Variants in TSHZ3 observed in about 807,000 individuals in gnomAD.
TSHZ3 encodes teashirt zinc finger homeobox 3.
In TSHZ3, 10 loss-of-function variants were observed where a neutral mutation model predicts 64.5. The observed-to-expected ratio is 0.16, with a 90% CI of 0.10 to 0.26. The LOEUF is 0.26. Ranked by LOEUF, TSHZ3 falls within the 10% of genes least tolerant of loss-of-function variation. The pLI, the probability that TSHZ3 is intolerant of heterozygous loss-of-function variation, is 1.00. For missense variants in TSHZ3, 1,242 were observed against 1,421.7 expected, an observed-to-expected ratio of 0.87 and a Z score of 2.03; for synonymous variants, 608 against 593.1, an observed-to-expected ratio of 1.03 and a Z score of -0.36.
chr19:31,330,787 G>C (rs1311426630), intron 1 of TSHZ3, among the ~76,000 whole-genome samples: 1 of 152,106 alleles, frequency 6.6e-6, no homozygotes, highest in Non-Finnish European at 1.5e-5. Flanking sequence ...CCCAGACGGA[G>C]GTGTCAGGAG....
chr19:31,163,796 C>T (rs1974403385), intron 5 of TSHZ3, among the ~76,000 whole-genome samples: 1 of 152,144 alleles, frequency 6.6e-6, no homozygotes, highest in African/African-American at 2.4e-5. Flanking sequence ...AAAGGACAGG[C>T]TGGGGCACAC....
At chr19:31,337,839 A>G (rs908178817) in intron 1 of TSHZ3, among the ~76,000 whole-genome samples, 1 of 152,092 alleles carries the variant, frequency 6.6e-6, no homozygotes, top group East Asian at 1.9e-4. Flanking sequence ...CATGTCAGGG[A>G]AAAGTTTGTC....
intron 1 of TSHZ3, among the ~76,000 whole-genome samples, chr19:31,307,052 A>G (rs1916319707): frequency 6.6e-6 from 1 of 152,146 alleles, no homozygotes; most frequent in African/African-American, 2.4e-5. Context: ...CCAAAAAAAA[A>G]AAGATAGTAA....
At chr19:31,193,116 A>G (rs1306112637) in intron 5 of TSHZ3, among the ~76,000 whole-genome samples, 8 of 152,176 alleles carry the variant, frequency 5.3e-5, no homozygotes, top group African/African-American at 1.9e-4. Flanking sequence ...GTGAAAGAGA[A>G]AGGATCTTCT....
chr19:31,322,526 T>A (rs1270088512), intron 1 of TSHZ3, among the ~76,000 whole-genome samples: 1 of 152,190 alleles, frequency 6.6e-6, no homozygotes. Flanking sequence ...GCTCAAGGGA[T>A]TCTCCCATCT....
intron 1 of TSHZ3, among the ~76,000 whole-genome samples, chr19:31,283,646 C>T (rs904126887): frequency 1.3e-5 from 2 of 152,216 alleles, no homozygotes; most frequent in Admixed American, 6.5e-5. Flanking sequence ...TCCTCGGCTA[C>T]ATGTCTATCA....
intron 5 of TSHZ3, among the ~76,000 whole-genome samples, chr19:31,168,420 C>T (rs992502422): frequency 5.9e-5 from 9 of 152,196 alleles, no homozygotes; most frequent in African/African-American, 1.2e-4. Flanking sequence ...TTAGTTCTAG[C>T]ATATGTGCTC....
At chr19:31,241,161 T>A (rs960549488) in intron 3 of TSHZ3, among the ~76,000 whole-genome samples, 1 of 152,176 alleles carries the variant, frequency 6.6e-6, no homozygotes, top group Non-Finnish European at 1.5e-5. Context: ...TGTGTGCACA[T>A]GTTTATTAGG....
chr19:31,207,933 G>T (rs1224936409), intron 4 of TSHZ3, among the ~76,000 whole-genome samples: 1 of 152,204 alleles, frequency 6.6e-6, no homozygotes, highest in Non-Finnish European at 1.5e-5. Context: ...CCAAGCCATG[G>T]AATGGACCTG....
At chr19:31,255,129 A>G (rs115045010) in intron 1 of TSHZ3, among the ~76,000 whole-genome samples, 1 of 152,284 alleles carries the variant, frequency 6.6e-6, no homozygotes, top group African/African-American at 2.4e-5. Context: ...GAGAAGGAAA[A>G]CGAAGGAGAT....
intron 1 of TSHZ3, among the ~76,000 whole-genome samples, chr19:31,298,573 C>T (rs2145138612): frequency 6.6e-6 from 1 of 152,288 alleles, no homozygotes; most frequent in South Asian, 2.1e-4. Context: ...TCCCATCTAC[C>T]TGCAGCAGTA....
At chr19:31,323,600 C>T (rs983169116) in intron 1 of TSHZ3, among the ~76,000 whole-genome samples, 2 of 152,144 alleles carry the variant, frequency 1.3e-5, no homozygotes, top group African/African-American at 4.8e-5. Context: ...GGATTTACCT[C>T]TGCTCTCAGT....
Position 31,279,306 on chromosome 19 carries a change from C to T in TSHZ3, c.487G>A (p.Gly163Arg), listed in dbSNP as rs372133084. The T allele has an allele frequency of 1.7e-5, 28 of 1,613,568 alleles. No homozygotes were observed. The highest frequency in any genetic ancestry group is 1.3e-4 in the African/African-American group (10 of 74,918). The change falls in exon 2 of 2, where the codon GGG (glycine) becomes AGG (arginine). Residue 163 changes from glycine (G) to arginine (R), a missense_variant. Transcript: ENST00000240587. This position sits in a 1 kb window ranked among gnomAD's most constrained non-coding sequence, Gnocchi z 6.4. Reference protein sequence around the residue: ...SSSSSSSCGSGSFDWHQSAMA... With the variant: ...SSSSSSSCGSRSFDWHQSAMA... ...GCGCTCTGGTGCCAGTCGAAGCTCCCGCTGCCACAGCTGCTGCTGCTGCTA... is the reference window on the plus strand; with the variant it reads ...GCGCTCTGGTGCCAGTCGAAGCTCCTGCTGCCACAGCTGCTGCTGCTGCTA...
At chr19:31,333,590 T>C (rs1025389638) in intron 1 of TSHZ3, among the ~76,000 whole-genome samples, 14 of 151,878 alleles carry the variant, frequency 9.2e-5, no homozygotes, top group African/African-American at 3.4e-4. Context: ...AGAAGCCCCA[T>C]GGAAGGTTCT....
chr19:31,293,886 A>G (rs143111041), intron 1 of TSHZ3, among the ~76,000 whole-genome samples: 182 of 152,276 alleles, frequency 1.2e-3, no homozygotes, highest in African/African-American at 4.0e-3. Context: ...GAACCAACAA[A>G]GACCAAGGGT....
chr19:31,156,727 G>T (rs1449334810), intron 5 of TSHZ3, among the ~76,000 whole-genome samples: 6 of 151,948 alleles, frequency 3.9e-5, no homozygotes, highest in Admixed American at 3.9e-4. Flanking sequence ...TTAAGATAAA[G>T]TGCAATATGC....
chr19:31,340,569 A>G (rs1308387859), intron 1 of TSHZ3, among the ~76,000 whole-genome samples: 1 of 152,074 alleles, frequency 6.6e-6, no homozygotes, highest in Non-Finnish European at 1.5e-5. Context: ...TCAGTTGAGA[A>G]AGCCTTGGCG....
intron 6 of TSHZ3, among the ~76,000 whole-genome samples, chr19:31,155,644 G>A (rs1018008993): frequency 2.3e-4 from 35 of 152,140 alleles, no homozygotes; most frequent in Admixed American, 1.8e-3. Flanking sequence ...TAGATTAGAC[G>A]TCCTTTACCA....
chr19:31,350,805 G>T (rs1382938203), upstream of TSHZ3, among the ~76,000 whole-genome samples: 6 of 147,940 alleles, frequency 4.1e-5, no homozygotes, highest in East Asian at 1.2e-3. Context: ...GAGCCCGAGC[G>T]GCGCGGGCGG....
Sources: allele counts gnomAD v4.1 joint callset (sites outside exome capture counted in the v4.1 genomes callset), GRCh38; gene constraint gnomAD v4.1.1; non-coding constraint Gnocchi (gnomAD v3.1); transcripts MANE v1.5; gene names NCBI Gene and HGNC (gene_info 2026-07-23, HGNC 2026-07-21).